RIMS2: variants seen among roughly 807,000 people sequenced by gnomAD.
RIMS2 encodes the protein regulating synaptic membrane exocytosis 2.
RIMS2 carries 59 observed loss-of-function variants against 174.4 expected under a neutral mutation model. The ratio of observed to expected loss-of-function variants is 0.34; its 90% CI spans 0.27 to 0.42. The LOEUF (loss-of-function observed/expected upper bound fraction) is 0.42. Among genes scored for constraint, RIMS2 ranks in the 10% least tolerant of loss-of-function variants. RIMS2 has a pLI of 1.00. For synonymous variants in RIMS2, 606 were observed against 572.5 expected (o/e 1.06, Z -0.84); for missense variants, 1,620 against 1,666.3 (o/e 0.97, Z 0.48).
At chr8:103,775,683 G>A (rs1197636491) in intron 3 of RIMS2, among the ~76,000 whole-genome samples, 1 of 152,012 alleles carries the variant, frequency 6.6e-6, no homozygotes, top group East Asian at 1.9e-4. Context: ...TAGACTTGAA[G>A]ACAAATAATG....
chr8:103,847,325 G>T (rs1047029174), intron 3 of RIMS2, among the ~76,000 whole-genome samples: 2 of 152,024 alleles, frequency 1.3e-5, no homozygotes, highest in African/African-American at 4.8e-5. Context: ...AATATACTGT[G>T]TCCTGAAGGA....
At chr8:104,234,035 A>T (rs1159408117) in intron 19 of RIMS2, among the ~76,000 whole-genome samples, 1 of 152,034 alleles carries the variant, frequency 6.6e-6, no homozygotes, top group African/African-American at 2.4e-5. Context: ...TTTTCTGGAG[A>T]TTTATGATAA....
chr8:104,100,510 A>C (rs988606001), intron 19 of RIMS2, among the ~76,000 whole-genome samples: 17 of 152,050 alleles, frequency 1.1e-4, no homozygotes, highest in African/African-American at 3.9e-4. Context: ...TATGTTGGGT[A>C]GAAGAGGCTC....
intron 1 of RIMS2, among the ~76,000 whole-genome samples, chr8:103,632,241 G>A (rs906092163): frequency 6.6e-6 from 1 of 152,162 alleles, no homozygotes; most frequent in African/African-American, 2.4e-5. Flanking sequence ...TGCTCATTCA[G>A]TATAATGTTG....
At chr8:104,223,717 G>C (rs770908762) in intron 19 of RIMS2, 4 of 1,591,998 alleles carry the variant, frequency 2.5e-6, no homozygotes, top group Non-Finnish European at 3.4e-6. Flanking sequence ...CCCAGAGCCG[G>C]AGTAGCCTGT....
intron 4 of RIMS2, among the ~76,000 whole-genome samples, chr8:103,897,599 C>A (rs974066102): frequency 6.6e-5 from 10 of 151,688 alleles, no homozygotes; most frequent in Non-Finnish European, 1.2e-4. Context: ...TTTCAGTTTG[C>A]AGACCTAGCA....
chr8:104,192,408 A>G (rs1164557474), intron 19 of RIMS2, among the ~76,000 whole-genome samples: 4 of 152,198 alleles, frequency 2.6e-5, no homozygotes, highest in African/African-American at 9.6e-5. Flanking sequence ...TTTTGATGTG[A>G]AAGTTCCAAT....
intron 19 of RIMS2, among the ~76,000 whole-genome samples, chr8:104,060,222 C>G (rs1329881639): frequency 6.6e-6 from 1 of 151,336 alleles, no homozygotes; most frequent in Non-Finnish European, 1.5e-5. Flanking sequence ...GGTTGGTAAG[C>G]TATTGATTAT....
At chr8:103,998,597 C>T (rs1365487426) in intron 17 of RIMS2, among the ~76,000 whole-genome samples, 1 of 151,578 alleles carries the variant, frequency 6.6e-6, no homozygotes, top group African/African-American at 2.4e-5. Flanking sequence ...TCAGCAGAGT[C>T]CATAATTAGG....
chr8:104,244,443 G>A (rs186795230), intron 19 of RIMS2, among the ~76,000 whole-genome samples: 3 of 152,148 alleles, frequency 2.0e-5, no homozygotes, highest in African/African-American at 4.8e-5. Flanking sequence ...TGGAATTTGA[G>A]GATTACTCAC....
At position 103,529,955 on chromosome 8, in the gene RIMS2, C is replaced by T. The variant is rs895295941; in HGVS notation, c.176+28893C>T. Among the ~76,000 whole-genome samples, 8 of 152,052 alleles carry T rather than the reference C, an allele frequency of 5.3e-5. No homozygotes were observed. The South Asian group carries it at 8.3e-4, about 16-fold the overall frequency. On this transcript the variant is annotated intron_variant, in intron 1 of 23. Coordinates refer to ENST00000504942, the Ensembl canonical transcript of RIMS2. ...ATGGAAGGCTAACTGTACTAAAGAG[C>T]GTTCTTCAGTTAGAAGGAAAATGGT...
At chr8:103,878,698 C>G (rs201510867) in intron 3 of RIMS2, among the ~76,000 whole-genome samples, 1 of 141,380 alleles carries the variant, frequency 7.1e-6, no homozygotes, top group African/African-American at 2.6e-5. Flanking sequence ...TGGTCTTGAG[C>G]TTTTTTTTTT....
intron 1 of RIMS2, among the ~76,000 whole-genome samples, chr8:103,650,360 A>G (rs2096428518): frequency 6.6e-6 from 1 of 152,086 alleles, no homozygotes; most frequent in Admixed American, 6.5e-5. Flanking sequence ...GTAGGAGGTG[A>G]CTGGAGACTC....
intron 19 of RIMS2, among the ~76,000 whole-genome samples, chr8:104,121,026 C>CTTTT (rs1327024269): frequency 3.9e-4 from 59 of 151,940 alleles, no homozygotes; most frequent in Admixed American, 1.3e-4. Context: ...CTTTCTCTCT[C>CTTTT]TTTTTTTTCT....
At chr8:104,201,452 T>G (rs1042411913) in intron 19 of RIMS2, among the ~76,000 whole-genome samples, 6 of 152,194 alleles carry the variant, frequency 3.9e-5, no homozygotes, top group Non-Finnish European at 1.5e-5. Flanking sequence ...GAGAAGAATA[T>G]AGTCATAAAA....
intron 19 of RIMS2, among the ~76,000 whole-genome samples, chr8:104,018,135 T>C (rs189548428): frequency 6.6e-6 from 1 of 152,336 alleles, no homozygotes; most frequent in Admixed American, 6.5e-5. Context: ...GTTATTTGTT[T>C]AGTTTCATTG....
At chr8:103,988,704 C>G (rs1463965999) in intron 16 of RIMS2, among the ~76,000 whole-genome samples, 2 of 152,122 alleles carry the variant, frequency 1.3e-5, no homozygotes, top group African/African-American at 4.8e-5. Flanking sequence ...ACGTGATCTG[C>G]CCACCTCAGC....
chr8:104,140,271 T>C (rs920961137), intron 19 of RIMS2, among the ~76,000 whole-genome samples: 1 of 152,166 alleles, frequency 6.6e-6, no homozygotes, highest in African/African-American at 2.4e-5. Context: ...GTCATAATTT[T>C]TACCCACCAT....
chr8:103,514,891 C>G (rs1828213491), intron 1 of RIMS2, among the ~76,000 whole-genome samples: 1 of 151,330 alleles, frequency 6.6e-6, no homozygotes, highest in African/African-American at 2.4e-5. Context: ...GGGCAAGACT[C>G]TGTCTCAAAA....
Sources: gnomAD v4.1 joint callset for allele counts (sites outside exome capture counted in the v4.1 genomes callset) on GRCh38, gnomAD v4.1.1 for gene constraint, MANE v1.5 for transcripts, NCBI Gene and HGNC (gene_info 2026-07-23, HGNC 2026-07-21) for gene names.